SAMD5: variants seen among roughly 807,000 people sequenced by gnomAD.
The protein encoded by SAMD5 is sterile alpha motif domain containing 5.
In SAMD5, 13 loss-of-function variants were observed where a neutral mutation model predicts 11.3. That is an observed-to-expected ratio of 1.15 (90% CI 0.75 to 1.83). SAMD5 has a LOEUF of 1.83. Among genes scored for constraint, SAMD5 ranks in the 40% most tolerant of loss-of-function variants. The pLI, the probability that SAMD5 is intolerant of heterozygous loss-of-function variation, is 0.00. For missense variants in SAMD5, 255 were observed against 239.1 expected (o/e 1.07, Z -0.44); for synonymous variants, 129 against 111.3 (o/e 1.16, Z -1.00).
At chr6:147,579,270 G>A (rs796268555) in intron 1 of SAMD5, among the ~76,000 whole-genome samples, 6 of 152,314 alleles carry the variant, frequency 3.9e-5, no homozygotes, top group African/African-American at 1.4e-4. Flanking sequence ...GGAAAGTAAA[G>A]AGAAGATGTA....
chr6:147,687,973 G>C (rs1435452888), intron 1 of SAMD5, among the ~76,000 whole-genome samples: 3 of 152,092 alleles, frequency 2.0e-5, no homozygotes, highest in Non-Finnish European at 4.4e-5. Context: ...GAAAATTTCA[G>C]CTTCACCTCT....
At chr6:147,520,374 C>T (rs1013340152) in intron 1 of SAMD5, among the ~76,000 whole-genome samples, 1 of 152,108 alleles carries the variant, frequency 6.6e-6, no homozygotes, top group African/African-American at 2.4e-5. Flanking sequence ...ACCTGCCTGG[C>T]CTCCCAAAGT....
At chr6:147,845,158 C>T in the SAMD5 span, among the ~76,000 whole-genome samples, 2 of 151,792 alleles carry the variant, frequency 1.3e-5, no homozygotes, top group Non-Finnish European at 2.9e-5. Flanking sequence ...TATGTTTTTC[C>T]AATAGGCTTT....
In SAMD5 at chr6:147,509,305, C is replaced by G; in HGVS notation, c.377C>G (p.Pro126Arg). ...APRSRELVSY[P>R]KLKLKIMIRD... ...CGCAGCAGGGAGCTGGTGAGCTACCCCAAACTGAAGCTGAAGATCATGATC... is the reference window on the plus strand; with the variant it reads ...CGCAGCAGGGAGCTGGTGAGCTACCGCAAACTGAAGCTGAAGATCATGATC... Residue 126 changes from proline to arginine, a missense_variant, in exon 1 of 2, where the codon CCC becomes CGC. Physicochemically the swap from Pro to Arg is moderately radical, Grantham distance 103. Coordinates refer to ENST00000367474, the MANE Select transcript of SAMD5 (RefSeq NM_001030060.3). The G allele has an allele frequency of 1.3e-6, 2 of 1,579,302 alleles. No individual in the cohort carries two copies. The highest frequency in any genetic ancestry group is 1.2e-5 in the South Asian group (1 of 86,582).
chr6:147,588,099 A>T (rs764935439), intron 1 of SAMD5, among the ~76,000 whole-genome samples: 11 of 152,112 alleles, frequency 7.2e-5, no homozygotes, highest in Non-Finnish European at 1.6e-4. Context: ...GAAACAAGCA[A>T]TAATGTCAGG....
chr6:147,666,049 C>T (rs1196594840), intron 1 of SAMD5, among the ~76,000 whole-genome samples: 3 of 152,138 alleles, frequency 2.0e-5, no homozygotes, highest in African/African-American at 7.2e-5. Flanking sequence ...GACGATTCTC[C>T]CGCCTCGGCC....
chr6:147,726,703 C>T (rs1313331631), intron 1 of SAMD5, among the ~76,000 whole-genome samples: 2 of 152,192 alleles, frequency 1.3e-5, no homozygotes, highest in East Asian at 1.9e-4. Flanking sequence ...TGGTGCATGA[C>T]CTAACCTCTC....
intron 1 of SAMD5, among the ~76,000 whole-genome samples, chr6:147,558,345 G>A (rs1391863231): frequency 6.6e-6 from 1 of 152,144 alleles, no homozygotes; most frequent in East Asian, 1.9e-4. Context: ...AACTGCAGTA[G>A]AGGCCAGACA....
the SAMD5 span, among the ~76,000 whole-genome samples, chr6:147,818,823 C>A: frequency 4.6e-5 from 7 of 152,080 alleles, no homozygotes; most frequent in Non-Finnish European, 7.4e-5. Context: ...TTACAGTTAC[C>A]CCTTGTGACC....
At chr6:147,563,185 A>G (rs1229047857) in intron 1 of SAMD5, among the ~76,000 whole-genome samples, 4 of 152,316 alleles carry the variant, frequency 2.6e-5, no homozygotes, top group East Asian at 3.9e-4. Context: ...GTGTCACCCA[A>G]ACTAATTAAT....
At chr6:147,622,183 C>T (rs1362118623) in intron 1 of SAMD5, among the ~76,000 whole-genome samples, 2 of 152,092 alleles carry the variant, frequency 1.3e-5, no homozygotes, top group East Asian at 1.9e-4. Context: ...ACTGTGGATA[C>T]CAAAATCCTC....
At chr6:147,860,438 A>G in the SAMD5 span, among the ~76,000 whole-genome samples, 145 of 152,288 alleles carry the variant, frequency 9.5e-4, no homozygotes, top group African/African-American at 3.1e-3. Flanking sequence ...AACAACTAAT[A>G]TCTTAGTGAC....
the SAMD5 span, among the ~76,000 whole-genome samples, chr6:147,805,436 C>A: frequency 8.8e-6 from 1 of 113,140 alleles, no homozygotes; most frequent in Non-Finnish European, 2.0e-5. Context: ...TAATGGAAAT[C>A]CAACTTCCTT....
At chr6:147,574,139 A>C (rs1439787670), downstream of SAMD5, among the ~76,000 whole-genome samples, 1 of 151,670 alleles carries the variant, frequency 6.6e-6, no homozygotes, top group Non-Finnish European at 1.5e-5. Context: ...AAAAAAAAAA[A>C]CAAAAAACTT....
At chr6:147,860,027 T>C in the SAMD5 span, among the ~76,000 whole-genome samples, 4,683 of 152,224 alleles carry the variant, frequency 0.031, 267 homozygotes, top group African/African-American at 0.11. Context: ...GTGCCAGAGA[T>C]TGGGTGGCTT....
chr6:147,951,242 C>T, the SAMD5 span, among the ~76,000 whole-genome samples: 7 of 150,642 alleles, frequency 4.6e-5, no homozygotes, highest in East Asian at 3.9e-4. Flanking sequence ...AGTGCAGTGG[C>T]GCGATCTCGG....
In SAMD5 at chr6:147,565,135, T is replaced by G; in HGVS notation, c.*679T>G. The G allele has an allele frequency of 2.0e-6, 2 of 985,180 alleles. No individual in the cohort carries two copies. The highest frequency in any genetic ancestry group is 1.2e-6 in the Non-Finnish European group (1 of 829,592). 61.0% of individuals were successfully genotyped at this position (985,180 alleles called of 1,614,324 possible). ...AATTTAATCTGGCTGAGGTTTAGTA[T>G]TAGGACTAATACAAGTGTCTTGCTC... On this transcript the variant is annotated 3_prime_UTR_variant, in exon 2 of 2. Coordinates refer to ENST00000367474, the MANE Select transcript of SAMD5 (RefSeq NM_001030060.3).
At chr6:147,807,991 C>A in the SAMD5 span, among the ~76,000 whole-genome samples, 1 of 152,134 alleles carries the variant, frequency 6.6e-6, no homozygotes, top group Non-Finnish European at 1.5e-5. Context: ...AAATAAAAAT[C>A]TGATCCTCAT....
intron 1 of SAMD5, among the ~76,000 whole-genome samples, chr6:147,521,102 G>T (rs996392195): frequency 6.6e-6 from 1 of 151,860 alleles, no homozygotes; most frequent in Non-Finnish European, 1.5e-5. Context: ...ATCCTTATTG[G>T]CATGAAATCT....
Sources: allele counts gnomAD v4.1 joint callset (sites outside exome capture counted in the v4.1 genomes callset), GRCh38; gene constraint gnomAD v4.1.1; transcripts MANE v1.5; gene names NCBI Gene and HGNC (gene_info 2026-07-23, HGNC 2026-07-21).